The following ABCC12 variants were observed in gnomAD, a reference collection of about 807,000 sequenced individuals.
The protein encoded by ABCC12 is ATP-binding cassette sub-family C member 12.
A neutral mutation model predicts 151.1 loss-of-function variants in ABCC12; 142 were observed. The observed-to-expected ratio is 0.94, with a 90% confidence interval of 0.82 to 1.08. The LOEUF is 1.08. Among genes scored for constraint, ABCC12 ranks in the 50% least tolerant of loss-of-function variants. The probability of loss-of-function intolerance (pLI) is 0.00; values close to 1 mark genes in which losing one functional copy is unlikely to be tolerated. For synonymous variants in ABCC12, 645 were observed against 646.4 expected, an observed-to-expected ratio of 1.00 and a Z score of 0.03; for missense variants, 1,638 against 1,691.1, an observed-to-expected ratio of 0.97 and a Z score of 0.55.
At chr16:48,104,045 T>G in intron 22 of ABCC12, 97 bp downstream of exon 22, 1 of 1,275,336 alleles carries the variant, frequency 7.8e-7, no homozygotes, top group South Asian at 1.4e-5. Context: ...TGGTAGACCA[T>G]CAGTAAAGAC....
At chr16:48,149,319 T>C (rs533177656) in intron 2 of ABCC12, among the ~76,000 whole-genome samples, 115 of 123,220 alleles carry the variant, frequency 9.3e-4, no homozygotes, top group Non-Finnish European at 1.3e-3. Context: ...AGAAGACAAA[T>C]ATTAATAGCA....
At chr16:48,143,223 T>A (rs1964879788) in intron 4 of ABCC12, among the ~76,000 whole-genome samples, 1 of 152,164 alleles carries the variant, frequency 6.6e-6, no homozygotes, top group African/African-American at 2.4e-5. Flanking sequence ...CAAAGTGAGA[T>A]TCCAGCCACC....
chr16:48,107,149 G>T (rs1242675955), intron 20 of ABCC12, among the ~76,000 whole-genome samples, 173 bp downstream of exon 20: 7 of 152,146 alleles, frequency 4.6e-5, no homozygotes, highest in Admixed American at 6.5e-5. Flanking sequence ...AATCAAAGGG[G>T]ATTCCAGGGG....
rs531331093 is a variant in ABCC12, at chr16:48,136,615, T to A, written c.979+1613A>T. On this transcript the variant is annotated intron_variant, in intron 8 of 30. Coordinates refer to ENST00000311303, the MANE Select transcript of ABCC12 (RefSeq NM_001393797.1). ...AACAATTAAATAATTACAAATTGTG[T>A]TGAGTGATCTGAAAGAAATGAGCAG... Among the ~76,000 whole-genome samples, 3 of 152,258 alleles carry A rather than the reference T, an allele frequency of 2.0e-5. No individual in the cohort carries two copies. In the South Asian group the frequency reaches 6.2e-4, roughly 32 times the overall value.
chr16:48,086,875 G>T lies in ABCC12; in HGVS notation c.3636-56C>A, dbSNP rs112179849. On this transcript the variant is annotated intron_variant, in intron 27 of 30. Transcript: ENST00000311303. Reference sequence around the variant, plus strand: ...CCAGATTTCCAAGGACGAGAGGATGGATGCGGAGCAGGTTTTCTGTAGCAT... The same window carrying T: ...CCAGATTTCCAAGGACGAGAGGATGTATGCGGAGCAGGTTTTCTGTAGCAT... 4.0e-4 allele frequency: 581 copies of T among 1,457,876 alleles called. 7 individuals carry two copies. The African/African-American group carries it at 6.6e-3, about 17-fold the overall frequency. The allele number at this position is 1,457,876 out of a possible 1,614,324, so 90.3% of individuals were successfully genotyped here.
At position 48,088,573 on chromosome 16, in the gene ABCC12, T is replaced by G; in HGVS notation, c.3447A>C (p.Thr1149=). ...AACCTGTTCTTCCAACAATCCCGAC[T>G]GTCTGCCCACTTTGTATGTTCAAGT... is the stretch of plus-strand genomic sequence containing the variant. ...SLNLNIQSGQ[T]VGIVGRTGSG... Residue 1149 remains threonine (T), a synonymous_variant, in exon 26 of 31, where the codon ACA becomes ACC. Transcript: ENST00000311303. 1.2e-6 allele frequency: 2 copies of G among 1,614,152 alleles called. No individual in the cohort carries two copies. The highest frequency in any genetic ancestry group is 1.7e-6 in the Non-Finnish European group (2 of 1,180,012).
intron 10 of ABCC12, among the ~76,000 whole-genome samples, chr16:48,130,553 ATCT>A (rs1964387345): frequency 6.6e-6 from 1 of 152,232 alleles, no homozygotes; most frequent in African/African-American, 2.4e-5. Context: ...GATCAGGAAC[ATCT>A]TCTTCATGTA....
chr16:48,150,364 G>C (rs1156937119), intron 2 of ABCC12, among the ~76,000 whole-genome samples: 2 of 152,134 alleles, frequency 1.3e-5, no homozygotes, highest in Admixed American at 6.5e-5. Flanking sequence ...TAGGAAAATG[G>C]ATGAACAAAT....
At chr16:48,134,610 G>C (rs1964543958) in intron 8 of ABCC12, among the ~76,000 whole-genome samples, 1 of 152,190 alleles carries the variant, frequency 6.6e-6, no homozygotes, top group Non-Finnish European at 1.5e-5. Context: ...TTCTTCCTGA[G>C]GGGCCTGGAG....
intron 10 of ABCC12, 111 bp downstream of exon 10, chr16:48,130,677 C>T (rs982112770): frequency 5.1e-6 from 4 of 782,328 alleles, no homozygotes; most frequent in Non-Finnish European, 8.5e-6. Context: ...CCAATGTCAA[C>T]TCAACAAGCG....
Position 48,081,981 on chromosome 16 carries a change from T to C in ABCC12, c.*1734A>G, listed in dbSNP as rs144480809. Among the ~76,000 whole-genome samples, 106 of 152,282 alleles carry C rather than the reference T, an allele frequency of 7.0e-4. No individual in the cohort carries two copies. The highest frequency in any genetic ancestry group is 2.3e-3 in the African/African-American group (94 of 41,564). ...TTGTCATATTGGGGAAGTTATCTTATGTCCATAAAGGTGATGCCCACACTC... is the reference window on the plus strand; with the variant it reads ...TTGTCATATTGGGGAAGTTATCTTACGTCCATAAAGGTGATGCCCACACTC... On this transcript the variant is annotated 3_prime_UTR_variant, in exon 31 of 31. Coordinates refer to ENST00000311303, the MANE Select transcript of ABCC12 (RefSeq NM_001393797.1).
At chr16:48,125,213 T>G (rs751468972) in intron 11 of ABCC12, among the ~76,000 whole-genome samples, 7 of 152,184 alleles carry the variant, frequency 4.6e-5, no homozygotes, top group Non-Finnish European at 1.0e-4. Context: ...CCTATTGGGT[T>G]GGCTCCCTAA....
In ABCC12 at chr16:48,139,216, C is replaced by G; in HGVS notation, c.778G>C (p.Gly260Arg). 6.2e-7 allele frequency: 1 copy of G among 1,613,920 alleles called. No homozygotes were observed. Among genetic ancestry groups the G allele is most frequent in the Non-Finnish European group, 8.5e-7 (1 of 1,179,966 alleles). ...GATATCCCGATGAGAGCTGTGGGCCCCAGAATGAAAAAGGCGTACGCCGCA... is the reference window on the plus strand; with the variant it reads ...GATATCCCGATGAGAGCTGTGGGCCGCAGAATGAAAAAGGCGTACGCCGCA... ...FCAAYAFFIL[G>R]PTALIGISVY... Residue 260 changes from glycine to arginine, a missense_variant, in exon 7 of 31, where the codon GGG (glycine) becomes CGG (arginine). Physicochemically the swap from Gly to Arg is moderately radical, Grantham distance 125. Transcript: ENST00000311303.
At chr16:48,122,531 C>T (rs72802146) in intron 12 of ABCC12, among the ~76,000 whole-genome samples, 9,213 of 152,094 alleles carry the variant, frequency 0.061, 345 homozygotes, top group Non-Finnish European at 0.092. Flanking sequence ...TGGTAGACAG[C>T]GGGGATGCAA....
At chr16:48,127,853 C>T (rs1964291592) in intron 11 of ABCC12, among the ~76,000 whole-genome samples, 1 of 152,070 alleles carries the variant, frequency 6.6e-6, no homozygotes, top group African/African-American at 2.4e-5. Context: ...CACTTGAGGC[C>T]AGGAGTTCGA....
chr16:48,141,996 G>C (rs928948748), intron 4 of ABCC12, among the ~76,000 whole-genome samples: 5 of 152,222 alleles, frequency 3.3e-5, no homozygotes, highest in African/African-American at 1.2e-4. Context: ...TCAGCCTCCA[G>C]GTGAGAGGTG....
chr16:48,147,429 A>G (rs912202909), intron 2 of ABCC12, among the ~76,000 whole-genome samples: 9 of 152,200 alleles, frequency 5.9e-5, no homozygotes, highest in Non-Finnish European at 8.8e-5. Flanking sequence ...CCTTATTATT[A>G]TATATAAACG....
chr16:48,092,432 G>A (rs957939111), intron 24 of ABCC12, among the ~76,000 whole-genome samples: 2 of 152,196 alleles, frequency 1.3e-5, no homozygotes, highest in African/African-American at 4.8e-5. Context: ...GGGTACACAG[G>A]GCTACAGAGC....
Position 48,124,291 on chromosome 16 carries a change from G to C in ABCC12, c.1516-7C>G. The C allele has an allele frequency of 6.2e-7, 1 of 1,613,808 alleles. No individual in the cohort carries two copies. The highest frequency in any genetic ancestry group is 8.5e-7 in the Non-Finnish European group (1 of 1,179,670). ...ATATTCCCAAGATCTTCCCCTGCCA[G>C]AGAAACAGAGATGGGACACAGTCAC... On this transcript the variant is annotated splice_polypyrimidine_tract_variant and splice_region_variant and intron_variant, in intron 11 of 30. Coordinates refer to ENST00000311303, the MANE Select transcript of ABCC12 (RefSeq NM_001393797.1).
Sources: allele counts gnomAD v4.1 joint callset (sites outside exome capture counted in the v4.1 genomes callset), GRCh38; gene constraint gnomAD v4.1.1; transcripts MANE v1.5; gene names NCBI Gene and HGNC (gene_info 2026-07-23, HGNC 2026-07-21).